HS6ST2: variants seen among roughly 807,000 people sequenced by gnomAD.
HS6ST2 encodes the protein heparan sulfate 6-O-sulfotransferase 2.
A neutral mutation model predicts 33.0 loss-of-function variants in HS6ST2; 17 were observed. The ratio of observed to expected loss-of-function variants is 0.52; its 90% CI spans 0.35 to 0.77. The LOEUF (loss-of-function observed/expected upper bound fraction) is 0.77, where lower values mean the gene tolerates loss of function less well. HS6ST2 is among the 30% of genes least tolerant of loss of function. The pLI, the probability that HS6ST2 is intolerant of heterozygous loss-of-function variation, is 0.01. For missense variants in HS6ST2, 519 were observed against 551.7 expected (o/e 0.94, Z 0.59); for synonymous variants, 248 against 237.1 (o/e 1.05, Z -0.42).
chrX:132,891,377 T>A (rs1439033131), intron 2 of HS6ST2, among the ~76,000 whole-genome samples: 1 of 88,593 alleles, frequency 1.1e-5, no homozygotes, highest in African/African-American at 4.6e-5. Flanking sequence ...AAAAGTTTTT[T>A]TTATTTTTTT....
intron 2 of HS6ST2, among the ~76,000 whole-genome samples, chrX:132,867,349 A>T (rs1351565149): frequency 9.2e-6 from 1 of 108,884 alleles, no homozygotes; most frequent in Non-Finnish European, 1.9e-5. Context: ...CATGGTGGAT[A>T]AGCTTTTTGA....
rs191327651 is a variant in HS6ST2, at chrX:132,887,327, C to T, written c.947+69481G>A. 1.8e-3 allele frequency among the ~76,000 whole-genome samples: 202 copies of T among 111,712 alleles called. 1 individual carries two copies. The highest frequency in any genetic ancestry group is 5.2e-3 in the Admixed American group (55 of 10,478). The stretch of plus-strand genomic sequence containing the variant: ...AGCTCTTACAACTCAATAATGAGAA[C>T]ATAAACCAATTATAAGCAAAATATT... On this transcript the variant is annotated intron_variant, in intron 2 of 4. Transcript: ENST00000370833.
intron 2 of HS6ST2, among the ~76,000 whole-genome samples, chrX:132,711,387 GT>G (rs1220361497): frequency 9.0e-6 from 1 of 111,219 alleles, no homozygotes; most frequent in African/African-American, 3.3e-5. Context: ...CCAGGATGAG[GT>G]AAAAATCCAA....
intron 4 of HS6ST2, among the ~76,000 whole-genome samples, chrX:132,658,492 T>G (rs2063747403): frequency 8.9e-6 from 1 of 112,003 alleles, no homozygotes; most frequent in Non-Finnish European, 1.9e-5. Context: ...TTCTTTTTTT[T>G]TGGTCAGGTA....
intron 3 of HS6ST2, among the ~76,000 whole-genome samples, chrX:132,677,809 A>G (rs897221766): frequency 8.9e-6 from 1 of 112,033 alleles, no homozygotes; most frequent in African/African-American, 3.2e-5. Flanking sequence ...GGTGTTGTGG[A>G]AAAAGCTTGG....
rs1430136545 is a variant in HS6ST2, at chrX:132,747,721, T to C, written c.948-39227A>G. ...CCAGCCCTAATGCTCTCAGATCTTT[T>C]GCTTGCCCAAGGTTAGACAGGCACA... On this transcript the variant is annotated intron_variant, in intron 2 of 4. Coordinates refer to ENST00000370833, the MANE Select transcript of HS6ST2 (RefSeq NM_001394073.1). Among the ~76,000 whole-genome samples, 4 of 110,924 alleles carry C rather than the reference T, an allele frequency of 3.6e-5. No homozygotes were observed. In the East Asian group the frequency reaches 1.2e-3, roughly 32 times the overall value.
chrX:132,761,344 A>G (rs970420344), intron 2 of HS6ST2, among the ~76,000 whole-genome samples: 2 of 111,858 alleles, frequency 1.8e-5, no homozygotes, highest in Non-Finnish European at 3.8e-5. Flanking sequence ...GTGAGTGCCC[A>G]GAAGTCAATG....
At chrX:132,714,999 C>G (rs959805671) in intron 2 of HS6ST2, among the ~76,000 whole-genome samples, 1 of 112,287 alleles carries the variant, frequency 8.9e-6, no homozygotes, top group Admixed American at 9.4e-5. Flanking sequence ...AAAGCAATGA[C>G]TAATACAGGC....
intron 2 of HS6ST2, among the ~76,000 whole-genome samples, chrX:132,715,594 A>G (rs1270349795): frequency 1.8e-5 from 2 of 112,084 alleles, no homozygotes; most frequent in African/African-American, 3.2e-5. Context: ...AGAGCACATC[A>G]ATGCCAGAGA....
intron 4 of HS6ST2, among the ~76,000 whole-genome samples, chrX:132,636,348 T>C (rs1450355423): frequency 8.9e-6 from 1 of 112,004 alleles, no homozygotes; most frequent in African/African-American, 3.2e-5. Flanking sequence ...GATGTAGCTG[T>C]GAAGGACATT....
intron 2 of HS6ST2, among the ~76,000 whole-genome samples, chrX:132,750,234 C>T (rs2064688817): frequency 9.1e-6 from 1 of 109,317 alleles, no homozygotes; most frequent in Admixed American, 9.9e-5. Context: ...TCTCCAATTG[C>T]AGTGCCTGGT....
chrX:132,718,521 G>A (rs1428300708), intron 2 of HS6ST2, among the ~76,000 whole-genome samples: 3 of 111,446 alleles, frequency 2.7e-5, no homozygotes, highest in South Asian at 3.9e-4. Flanking sequence ...AATGTGGAGA[G>A]GGATCACTGT....
At chrX:132,739,704 G>C (rs1440765467) in intron 2 of HS6ST2, among the ~76,000 whole-genome samples, 1 of 95,488 alleles carries the variant, frequency 1.0e-5, no homozygotes, top group Non-Finnish European at 2.1e-5. Context: ...GACAGAGCAA[G>C]ACTCCATTTC....
chrX:132,900,796 T>C (rs1270515305), intron 2 of HS6ST2, among the ~76,000 whole-genome samples: 1 of 111,390 alleles, frequency 9.0e-6, no homozygotes, highest in African/African-American at 3.3e-5. Context: ...CAACATCTGT[T>C]ATTCATGTCA....
intron 2 of HS6ST2, among the ~76,000 whole-genome samples, chrX:132,865,064 T>C (rs1261000584): frequency 1.8e-5 from 2 of 109,705 alleles, no homozygotes; most frequent in African/African-American, 6.6e-5. Context: ...GTCATGCTGG[T>C]GCGCTGCACC....
chrX:132,711,682 G>A (rs150526385), intron 2 of HS6ST2, among the ~76,000 whole-genome samples: 197 of 111,926 alleles, frequency 1.8e-3, no homozygotes, highest in Non-Finnish European at 3.2e-3. Context: ...AAGAGTTTAT[G>A]AGTAAATGAG....
intron 4 of HS6ST2, among the ~76,000 whole-genome samples, chrX:132,640,859 A>G (rs1290597800): frequency 8.9e-6 from 1 of 112,297 alleles, no homozygotes; most frequent in Non-Finnish European, 1.9e-5. Context: ...TACATAGGTG[A>G]CTTGCATCAC....
intron 2 of HS6ST2, among the ~76,000 whole-genome samples, chrX:132,776,572 G>A (rs1357727834): frequency 9.0e-6 from 1 of 111,043 alleles, no homozygotes; most frequent in Non-Finnish European, 1.9e-5. Context: ...GGGAGTTACA[G>A]CCCTTCCCCC....
intron 3 of HS6ST2, among the ~76,000 whole-genome samples, chrX:132,707,854 C>A (rs1264691207): frequency 9.0e-6 from 1 of 111,559 alleles, no homozygotes. Flanking sequence ...GCATTCTCAG[C>A]GTCCGTCTTC....
Sources: allele counts gnomAD v4.1 joint callset (sites outside exome capture counted in the v4.1 genomes callset), GRCh38; gene constraint gnomAD v4.1.1; transcripts MANE v1.5; gene names NCBI Gene and HGNC (gene_info 2026-07-23, HGNC 2026-07-21).